KAZN: variants seen among roughly 807,000 people sequenced by gnomAD.
KAZN encodes kazrin, periplakin interacting protein.
In KAZN, 40 loss-of-function variants were observed where a neutral mutation model predicts 87.4. That is an observed-to-expected ratio of 0.46 (90% CI 0.36 to 0.60). The LOEUF is 0.60. Among genes scored for constraint, KAZN ranks in the 20% least tolerant of loss-of-function variants. The pLI, the probability that KAZN is intolerant of heterozygous loss-of-function variation, is 0.00. For synonymous variants in KAZN, 466 were observed against 458.3 expected, an observed-to-expected ratio of 1.02 and a Z score of -0.22; for missense variants, 898 against 1,073.9, an observed-to-expected ratio of 0.84 and a Z score of 2.29.
intron 1 of KAZN, among the ~76,000 whole-genome samples, chr1:13,955,918 T>G (rs1283327579): frequency 6.6e-6 from 1 of 152,156 alleles, no homozygotes; most frequent in Non-Finnish European, 1.5e-5. Context: ...CTGCGGCCCA[T>G]GATTGTAGAG....
chr1:14,141,014 G>T (rs187172848), intron 1 of KAZN, among the ~76,000 whole-genome samples: 62 of 152,206 alleles, frequency 4.1e-4, no homozygotes, highest in African/African-American at 1.4e-3. Flanking sequence ...GCCCAACTAG[G>T]ATGGTCCCTG....
At chr1:14,597,400 C>T (rs1009592210), upstream of KAZN, among the ~76,000 whole-genome samples, 5 of 152,138 alleles carry the variant, frequency 3.3e-5, no homozygotes, top group African/African-American at 1.2e-4. Flanking sequence ...CTCCTGAAGG[C>T]GCAGCAGGAG....
intron 5 of KAZN, among the ~76,000 whole-genome samples, chr1:15,057,143 G>T (rs1212188741): frequency 6.6e-6 from 1 of 152,236 alleles, no homozygotes; most frequent in Non-Finnish European, 1.5e-5. Context: ...CCTGTCAAGG[G>T]TACAGATGGG....
intron 2 of KAZN, among the ~76,000 whole-genome samples, chr1:14,253,197 G>C (rs1650208363): frequency 6.6e-6 from 1 of 151,554 alleles, no homozygotes; most frequent in Non-Finnish European, 1.5e-5. Flanking sequence ...AGGAAGAAGA[G>C]GAGGACCATG....
chr1:14,624,853 G>T (rs148635499), intron 1 of KAZN, among the ~76,000 whole-genome samples: 2 of 152,044 alleles, frequency 1.3e-5, no homozygotes, highest in African/African-American at 2.4e-5. Flanking sequence ...ATTTGAGTTG[G>T]GTTAGTGACC....
At chr1:14,835,561 G>A (rs1401443065) in intron 1 of KAZN, among the ~76,000 whole-genome samples, 1 of 152,116 alleles carries the variant, frequency 6.6e-6, no homozygotes, top group Non-Finnish European at 1.5e-5. Context: ...CATTGTCACG[G>A]GAGGAAACTG....
intron 2 of KAZN, among the ~76,000 whole-genome samples, chr1:14,210,542 A>G (rs1484494539): frequency 6.6e-6 from 1 of 152,194 alleles, no homozygotes; most frequent in African/African-American, 2.4e-5. Flanking sequence ...TATATTAATT[A>G]AACATGCATA....
chr1:14,191,918 A>C (rs1278493000), intron 2 of KAZN, among the ~76,000 whole-genome samples: 3 of 152,254 alleles, frequency 2.0e-5, no homozygotes, highest in African/African-American at 7.2e-5. Flanking sequence ...TTCTGCCTCC[A>C]GTTTGCTAAA....
At chr1:15,100,290 G>A (rs1346643886) in intron 10 of KAZN, among the ~76,000 whole-genome samples, 1 of 152,122 alleles carries the variant, frequency 6.6e-6, no homozygotes, top group Non-Finnish European at 1.5e-5. Flanking sequence ...ATCCGGGCAT[G>A]AAGGCAGGAA....
intron 1 of KAZN, among the ~76,000 whole-genome samples, chr1:14,634,178 C>A (rs751030302): frequency 6.6e-6 from 1 of 152,092 alleles, no homozygotes. Context: ...TGCCGTTTAT[C>A]GTAATTCAGC....
intron 2 of KAZN, among the ~76,000 whole-genome samples, chr1:14,327,752 T>C (rs1160447493): frequency 1.5e-4 from 23 of 152,202 alleles, no homozygotes. Flanking sequence ...TGGGCTATCA[T>C]CAGCCCCACG....
At chr1:14,615,704 C>A (rs1678182507) in intron 1 of KAZN, among the ~76,000 whole-genome samples, 1 of 152,000 alleles carries the variant, frequency 6.6e-6, no homozygotes. Context: ...AATCGTATGG[C>A]CAACGTGTAG....
intron 1 of KAZN, among the ~76,000 whole-genome samples, chr1:14,955,285 G>A (rs1346704577): frequency 2.6e-5 from 4 of 152,270 alleles, no homozygotes; most frequent in Non-Finnish European, 5.9e-5. Context: ...GCACATGTAA[G>A]CGCTTTACGC....
In KAZN at chr1:14,080,712, C is replaced by T. The variant is rs1020903636; in HGVS notation, c.92-99723C>T. On this transcript the variant is annotated intron_variant, in intron 1 of 16. Coordinates refer to the KAZN transcript ENST00000636203. ...GCATGACTCTTTTCTGTAAAAGCTT[C>T]GGTAGCACATAGAGCTTTGAGTATT... 5.3e-5 allele frequency among the ~76,000 whole-genome samples: 8 copies of T among 152,182 alleles called. 1 individual carries two copies. Among genetic ancestry groups the T allele is most frequent in the African/African-American group, 7.2e-5 (3 of 41,444 alleles).
At chr1:14,297,015 A>G (rs1253201531) in intron 2 of KAZN, among the ~76,000 whole-genome samples, 1 of 152,148 alleles carries the variant, frequency 6.6e-6, no homozygotes, top group Non-Finnish European at 1.5e-5. Context: ...TGTGTGTGAC[A>G]TGTCATGATG....
At chr1:13,981,234 A>T (rs1638692370) in intron 1 of KAZN, among the ~76,000 whole-genome samples, 1 of 146,742 alleles carries the variant, frequency 6.8e-6, no homozygotes, top group African/African-American at 2.5e-5. Flanking sequence ...CACAATTTTT[A>T]AAAAGTTAAA....
intron 2 of KAZN, among the ~76,000 whole-genome samples, chr1:14,302,440 CA>C (rs1654619631): frequency 6.6e-6 from 1 of 152,170 alleles, no homozygotes; most frequent in Admixed American, 6.5e-5. Flanking sequence ...AGACAATACA[CA>C]TGGAATCTCA....
Position 14,867,265 on chromosome 1 carries a change from T to G in KAZN, c.227-93419T>G, listed in dbSNP as rs537544528. Among the ~76,000 whole-genome samples the G allele has an allele frequency of 2.0e-5, 3 of 152,290 alleles. No individual in the cohort carries two copies. The East Asian group carries it at 5.8e-4, about 29-fold the overall frequency. ...TTTGCCTTGAAGGTCTGTTGTTTTG[T>G]GAGATCTGCGAGAGTGGGGAGAGTG... On this transcript the variant is annotated intron_variant, in intron 1 of 14. Transcript: ENST00000376030.
At chr1:14,389,523 A>C (rs576538207) in intron 2 of KAZN, among the ~76,000 whole-genome samples, 1 of 152,344 alleles carries the variant, frequency 6.6e-6, no homozygotes, top group East Asian at 1.9e-4. Context: ...TCAGCCATAA[A>C]AAGAACAAGA....
Sources: gnomAD v4.1 joint callset for allele counts (sites outside exome capture counted in the v4.1 genomes callset) on GRCh38, gnomAD v4.1.1 for gene constraint, MANE v1.5 for transcripts, NCBI Gene and HGNC (gene_info 2026-07-23, HGNC 2026-07-21) for gene names.